The following DPP6 variants were observed in gnomAD, a reference collection of about 807,000 sequenced individuals.
DPP6 encodes dipeptidyl peptidase like 6.
DPP6 carries 69 observed loss-of-function variants against 122.6 expected under a neutral mutation model. The observed-to-expected ratio is 0.56, with a 90% CI of 0.46 to 0.69. The LOEUF is 0.69. Ranked by LOEUF, DPP6 falls within the 30% of genes least tolerant of loss-of-function variation. The pLI is 0.00. For missense variants in DPP6, 928 were observed against 1,116.9 expected (o/e 0.83, Z 2.41); for synonymous variants, 418 against 433.1 (o/e 0.97, Z 0.43).
chr7:154,793,669 T>C (rs979272827), intron 10 of DPP6: 3 of 155,732 alleles, frequency 1.9e-5, no homozygotes, highest in African/African-American at 7.2e-5. Flanking sequence ...TTTCCGGTTC[T>C]TTCTCTGTCC....
intron 1 of DPP6, among the ~76,000 whole-genome samples, chr7:154,239,614 A>T (rs1801442844): frequency 6.6e-6 from 1 of 152,158 alleles, no homozygotes; most frequent in Admixed American, 6.5e-5. Flanking sequence ...GACTGTTTAT[A>T]TCATTGGTAA....
chr7:154,255,386 A>C (rs1032518984), intron 1 of DPP6, among the ~76,000 whole-genome samples: 1 of 152,244 alleles, frequency 6.6e-6, no homozygotes, highest in African/African-American at 2.4e-5. Context: ...GCAGGCTTAG[A>C]TGAATTACAC....
intron 7 of DPP6, among the ~76,000 whole-genome samples, chr7:154,671,791 T>C (rs899784934): frequency 6.6e-6 from 1 of 152,078 alleles, no homozygotes; most frequent in African/African-American, 2.4e-5. Context: ...TCTTACAGAA[T>C]AAGTAGCAAC....
At chr7:154,012,748 T>C (rs1461793935) in intron 1 of DPP6, among the ~76,000 whole-genome samples, 1 of 152,208 alleles carries the variant, frequency 6.6e-6, no homozygotes, top group Non-Finnish European at 1.5e-5. Flanking sequence ...CTTGGTCTAT[T>C]TCTATGGAGT....
At chr7:154,274,555 G>C (rs1188399904) in intron 1 of DPP6, among the ~76,000 whole-genome samples, 9 of 152,142 alleles carry the variant, frequency 5.9e-5, no homozygotes, top group Admixed American at 2.6e-4. Context: ...GTTAGACCTT[G>C]AATTTTAGCA....
chr7:154,734,783 A>G (rs1268505928), intron 8 of DPP6, among the ~76,000 whole-genome samples: 1 of 152,328 alleles, frequency 6.6e-6, no homozygotes, highest in East Asian at 1.9e-4. Flanking sequence ...AGCTGTATGA[A>G]CTTGGATGAA....
At chr7:154,323,780 A>T (rs1182153595) in intron 1 of DPP6, among the ~76,000 whole-genome samples, 1 of 152,164 alleles carries the variant, frequency 6.6e-6, no homozygotes, top group Non-Finnish European at 1.5e-5. Flanking sequence ...CTTCCCATAG[A>T]GGTTCTGAGT....
intron 1 of DPP6, among the ~76,000 whole-genome samples, chr7:153,916,193 T>A (rs1186187033): frequency 6.6e-6 from 1 of 151,900 alleles, no homozygotes; most frequent in African/African-American, 2.4e-5. Context: ...CAGGATAGTC[T>A]CGATCTCCTG....
intron 17 of DPP6, chr7:154,858,573 G>A (rs1286116371): frequency 6.6e-6 from 1 of 152,472 alleles, no homozygotes; most frequent in African/African-American, 2.4e-5. Flanking sequence ...GGGTCCATCC[G>A]AGCCAGCTCT....
At chr7:154,882,035 G>A (rs1414375020) in intron 21 of DPP6, among the ~76,000 whole-genome samples, 3 of 152,196 alleles carry the variant, frequency 2.0e-5, no homozygotes, top group African/African-American at 4.8e-5. Flanking sequence ...AGCCTGGGCC[G>A]TGGTCAGTCT....
At chr7:153,790,093 A>G in the DPP6 span, among the ~76,000 whole-genome samples, 2 of 152,204 alleles carry the variant, frequency 1.3e-5, no homozygotes, top group Non-Finnish European at 2.9e-5. Flanking sequence ...TAACTTTTAT[A>G]AATTTCAGTA....
At chr7:153,997,314 A>G (rs10235799) in intron 1 of DPP6, among the ~76,000 whole-genome samples, 66,431 of 151,882 alleles carry the variant, frequency 0.44, 15,065 homozygotes, top group East Asian at 0.59. Context: ...AAGAGCTCAA[A>G]CTTTTCTGAG....
At chr7:153,859,427 G>C in the DPP6 span, among the ~76,000 whole-genome samples, 1 of 152,232 alleles carries the variant, frequency 6.6e-6, no homozygotes, top group Non-Finnish European at 1.5e-5. Context: ...AGAACCACGT[G>C]TTCCATGAGA....
intron 1 of DPP6, among the ~76,000 whole-genome samples, chr7:154,118,049 A>G (rs1484748714): frequency 6.7e-6 from 1 of 149,932 alleles, no homozygotes; most frequent in Admixed American, 6.6e-5. Flanking sequence ...AGACTAAACA[A>G]GAGATGCCTG....
In DPP6 at chr7:154,386,887, C is replaced by A. The variant is rs531669587; in HGVS notation, c.244-59327C>A. 3.5e-4 allele frequency among the ~76,000 whole-genome samples: 53 copies of A among 152,112 alleles called. No individual in the cohort carries two copies. The South Asian group carries it at 3.7e-3, about 11-fold the overall frequency. On this transcript the variant is annotated intron_variant, in intron 1 of 25. Coordinates refer to ENST00000377770, the MANE Select transcript of DPP6 (RefSeq NM_130797.4). ...AGCCTGGAAATAAAAGTGCATGGAG[C>A]CAGGCTGTGGATGACGGAAATAGTA... is the stretch of plus-strand genomic sequence containing the variant.
chr7:154,332,277 G>A (rs911199750), intron 1 of DPP6, among the ~76,000 whole-genome samples: 1 of 152,126 alleles, frequency 6.6e-6, no homozygotes, highest in Non-Finnish European at 1.5e-5. Context: ...TCACCATGTT[G>A]GCCAGGCTGG....
At chr7:153,896,628 G>A (rs1022190952) in intron 1 of DPP6, among the ~76,000 whole-genome samples, 3 of 151,952 alleles carry the variant, frequency 2.0e-5, no homozygotes, top group East Asian at 1.9e-4. Flanking sequence ...AACATAGACA[G>A]CATCTCTACA....
intron 1 of DPP6, among the ~76,000 whole-genome samples, chr7:154,140,829 AT>A (rs1246537626): frequency 2.3e-4 from 35 of 152,382 alleles, no homozygotes; most frequent in African/African-American, 7.7e-4. Context: ...TAGGGAGGAT[AT>A]AAATAAATCA....
chr7:154,440,315 G>A (rs952280230), intron 1 of DPP6, among the ~76,000 whole-genome samples: 1 of 151,934 alleles, frequency 6.6e-6, no homozygotes, highest in African/African-American at 2.4e-5. Context: ...CATACCTTGC[G>A]GCCATATCCA....
Sources: gnomAD v4.1 joint callset for allele counts (sites outside exome capture counted in the v4.1 genomes callset) on GRCh38, gnomAD v4.1.1 for gene constraint, MANE v1.5 for transcripts, NCBI Gene and HGNC (gene_info 2026-07-23, HGNC 2026-07-21) for gene names.